GSE1: variants seen among roughly 807,000 people sequenced by gnomAD.
GSE1 encodes genetic suppressor element 1.
A neutral mutation model predicts 112.6 loss-of-function variants in GSE1; 32 were observed. The ratio of observed to expected loss-of-function variants is 0.28; its 90% CI spans 0.21 to 0.38. The LOEUF (loss-of-function observed/expected upper bound fraction) is 0.38. Among genes scored for constraint, GSE1 ranks in the 10% least tolerant of loss-of-function variants. The pLI, the probability that GSE1 is intolerant of heterozygous loss-of-function variation, is 1.00. For synonymous variants in GSE1, 1,115 were observed against 735.6 expected, an observed-to-expected ratio of 1.52 and a Z score of -8.35; for missense variants, 2,348 against 1,699.2, an observed-to-expected ratio of 1.38 and a Z score of -6.71.
chr16:85,395,883 C>G (rs565494537), intron 2 of GSE1, among the ~76,000 whole-genome samples: 1 of 152,060 alleles, frequency 6.6e-6, no homozygotes, highest in Non-Finnish European at 1.5e-5. Context: ...GAAAACCAGC[C>G]AGCGCCCCGC....
Position 85,657,595 on chromosome 16 carries a change from G to C in GSE1, c.1631G>C (p.Ser544Thr). Reference protein sequence around the residue: ...VPAEAEHRPESTTRPGPNRHE... With the variant: ...VPAEAEHRPETTTRPGPNRHE... ...GCGGAGGCAGAGCACAGGCCGGAGA[G>C]CACCACCAGGTGAGTGAGCCCCAGG... The change falls in exon 8 of 16, where the codon AGC becomes ACC. Residue 544 changes from serine (S) to threonine (T), a missense_variant. Physicochemically the swap from Ser to Thr is moderately conservative, Grantham distance 58 (BLOSUM62 1). Coordinates refer to ENST00000253458, the MANE Select transcript of GSE1 (RefSeq NM_014615.5). The C allele has an allele frequency of 6.6e-7, 1 of 1,525,782 alleles. No homozygotes were observed. Among genetic ancestry groups the C allele is most frequent in the South Asian group, 1.3e-5 (1 of 77,360 alleles). The allele number at this position is 1,525,782 out of a possible 1,614,324, so 94.5% of individuals were successfully genotyped here. A position where few individuals can be genotyped will look rare whatever the true frequency, so the allele number is the denominator to read the frequency against.
At chr16:85,229,127 C>G (rs2075538728) in intron 1 of GSE1, among the ~76,000 whole-genome samples, 1 of 152,214 alleles carries the variant, frequency 6.6e-6, no homozygotes, top group South Asian at 2.1e-4. Context: ...ATCGTGGGAG[C>G]AGGGGGCTGA....
At chr16:85,323,876 T>C (rs1447474193) in intron 1 of GSE1, among the ~76,000 whole-genome samples, 1 of 152,178 alleles carries the variant, frequency 6.6e-6, no homozygotes, top group Non-Finnish European at 1.5e-5. Context: ...TGGCTGGTCA[T>C]CTGGCCGCCT....
intron 1 of GSE1, among the ~76,000 whole-genome samples, chr16:85,242,310 G>C (rs1292622283): frequency 6.6e-6 from 1 of 152,120 alleles, no homozygotes; most frequent in Admixed American, 6.5e-5. Context: ...AGCAGCCCTC[G>C]GGGTCTGTCC....
At chr16:85,187,427 G>A (rs1295915497) in intron 1 of GSE1, among the ~76,000 whole-genome samples, 2 of 152,232 alleles carry the variant, frequency 1.3e-5, no homozygotes, top group Non-Finnish European at 2.9e-5. Context: ...CCCTGCTCTG[G>A]GGGAAGAGAG....
intron 2 of GSE1, among the ~76,000 whole-genome samples, chr16:85,515,454 T>C (rs34335274): frequency 1.3e-5 from 2 of 151,986 alleles, no homozygotes; most frequent in Admixed American, 6.6e-5. Flanking sequence ...GGGGTCACCC[T>C]GAGAGTCTGC....
At chr16:85,195,353 C>T (rs1322249611) in intron 1 of GSE1, among the ~76,000 whole-genome samples, 1 of 152,124 alleles carries the variant, frequency 6.6e-6, no homozygotes, top group African/African-American at 2.4e-5. Context: ...AGGAAATCAG[C>T]AAGAACCACG....
intron 2 of GSE1, among the ~76,000 whole-genome samples, chr16:85,403,093 G>GA (rs371456459): frequency 8.6e-5 from 13 of 151,848 alleles, no homozygotes; most frequent in Middle Eastern, 3.4e-3. Context: ...ATGGTTGCTG[G>GA]GGGGGGACTC....
At chr16:85,259,610 GT>G (rs751711508) in intron 1 of GSE1, among the ~76,000 whole-genome samples, 3 of 152,226 alleles carry the variant, frequency 2.0e-5, no homozygotes, top group Non-Finnish European at 4.4e-5. Flanking sequence ...TGCTGCTGGG[GT>G]TTTGTCCCCT....
At chr16:85,368,373 C>T (rs566354558) in intron 2 of GSE1, among the ~76,000 whole-genome samples, 7 of 152,222 alleles carry the variant, frequency 4.6e-5, no homozygotes, top group African/African-American at 1.7e-4. Flanking sequence ...CCGCCTGTTT[C>T]ACAACTGATT....
intron 2 of GSE1, among the ~76,000 whole-genome samples, chr16:85,467,597 C>G (rs75080632): frequency 0.029 from 4,478 of 152,262 alleles, 207 homozygotes; most frequent in African/African-American, 0.1. Flanking sequence ...CATCTCTCAA[C>G]CTGGTGGCTG....
intron 1 of GSE1, among the ~76,000 whole-genome samples, chr16:85,191,175 G>T (rs980878506): frequency 1.3e-5 from 2 of 152,128 alleles, no homozygotes; most frequent in African/African-American, 4.8e-5. Context: ...CGGGAGAATT[G>T]CTTGAACCTG....
At chr16:85,480,397 T>C (rs1305040856) in intron 2 of GSE1, among the ~76,000 whole-genome samples, 2 of 152,018 alleles carry the variant, frequency 1.3e-5, no homozygotes, top group Non-Finnish European at 2.9e-5. Context: ...GTGGCACCAG[T>C]GTGAGCCTCC....
chr16:85,645,024 C>T (rs1198076681), intron 2 of GSE1, among the ~76,000 whole-genome samples: 1 of 151,834 alleles, frequency 6.6e-6, no homozygotes, highest in African/African-American at 2.4e-5. Context: ...CTCCTGTCCC[C>T]ACCCTCTGCC....
At chr16:85,327,397 G>A (rs752600578) in intron 1 of GSE1, among the ~76,000 whole-genome samples, 20 of 152,186 alleles carry the variant, frequency 1.3e-4, no homozygotes, top group Non-Finnish European at 2.6e-4. Context: ...GAGGCCAGGA[G>A]TTTAAGACCA....
chr16:85,435,543 G>A (rs1370303546), intron 2 of GSE1, among the ~76,000 whole-genome samples: 1 of 152,188 alleles, frequency 6.6e-6, no homozygotes, highest in African/African-American at 2.4e-5. Flanking sequence ...TCCTGGGGGA[G>A]GGGCTGGGGG....
chr16:85,297,643 G>A (rs1043803988), intron 1 of GSE1, among the ~76,000 whole-genome samples: 21 of 152,124 alleles, frequency 1.4e-4, no homozygotes, highest in African/African-American at 5.1e-4. Flanking sequence ...GGGTTCACAG[G>A]CACATGCCAC....
intron 2 of GSE1, among the ~76,000 whole-genome samples, chr16:85,474,409 G>T (rs1230363696): frequency 6.6e-6 from 1 of 152,134 alleles, no homozygotes; most frequent in African/African-American, 2.4e-5. Flanking sequence ...AGCTGGAGGT[G>T]CACGGAGGGA....
chr16:85,494,028 C>T (rs1349719763), intron 2 of GSE1, among the ~76,000 whole-genome samples: 3 of 152,204 alleles, frequency 2.0e-5, no homozygotes, highest in Non-Finnish European at 4.4e-5. Flanking sequence ...AGGCTACAGT[C>T]ACAACATTGC....
Sources: gnomAD v4.1 joint callset for allele counts (sites outside exome capture counted in the v4.1 genomes callset) on GRCh38, gnomAD v4.1.1 for gene constraint, MANE v1.5 for transcripts, NCBI Gene and HGNC (gene_info 2026-07-23, HGNC 2026-07-21) for gene names.